The following TACC2 variants were observed in gnomAD, a reference collection of about 807,000 sequenced individuals.
TACC2 encodes the protein transforming acidic coiled-coil-containing protein 2.
Under a neutral mutation model 227.3 loss-of-function variants are expected in TACC2, and 137 were observed. The ratio of observed to expected loss-of-function variants is 0.60; its 90% confidence interval spans 0.52 to 0.69. The LOEUF (loss-of-function observed/expected upper bound fraction) is 0.69. TACC2 is among the 30% of genes least tolerant of loss of function. TACC2 has a pLI of 0.00. For synonymous variants in TACC2, 1,523 were observed against 1,487.5 expected (o/e 1.02, Z -0.55); for missense variants, 3,470 against 3,694.4 (o/e 0.94, Z 1.57).
At chr10:122,059,742 TGTGGA>T (rs940080539) in intron 3 of TACC2, among the ~76,000 whole-genome samples, 1 of 152,098 alleles carries the variant, frequency 6.6e-6, no homozygotes, top group African/African-American at 2.4e-5. Context: ...TTTTGGGTGG[TGTGGA>T]GGCTCTGAAA....
At chr10:122,223,051 CTCTTTTTT>C (rs2095552804) in intron 11 of TACC2, among the ~76,000 whole-genome samples, 2 of 133,812 alleles carry the variant, frequency 1.5e-5, no homozygotes, top group East Asian at 2.4e-4. Context: ...CTCTCTCTCT[CTCTTTTTT>C]TTTTTTTTTT....
intron 5 of TACC2, among the ~76,000 whole-genome samples, chr10:122,127,972 AT>A (rs1467584935): frequency 8.5e-5 from 13 of 152,168 alleles, no homozygotes; most frequent in African/African-American, 2.7e-4. Flanking sequence ...TTGACTCCTG[AT>A]TTATGCACGT....
chr10:122,043,165 A>G (rs1398164096), intron 2 of TACC2, among the ~76,000 whole-genome samples: 1 of 152,144 alleles, frequency 6.6e-6, no homozygotes, highest in Non-Finnish European at 1.5e-5. Context: ...TTTAAATCAT[A>G]TTGTTTCTAA....
chr10:122,061,285 C>A (rs1307435446), intron 3 of TACC2, among the ~76,000 whole-genome samples: 192 of 87,048 alleles, frequency 2.2e-3, no homozygotes, highest in Middle Eastern at 7.8e-3. Flanking sequence ...CACTCCGTCT[C>A]AAAAAAAAAA....
chr10:122,253,467 G>A (rs1443616832), intron 22 of TACC2, among the ~76,000 whole-genome samples: 3 of 152,094 alleles, frequency 2.0e-5, no homozygotes, highest in African/African-American at 7.2e-5. Flanking sequence ...AAGCCAGCTC[G>A]CATCTGCCCC....
Position 122,086,099 on chromosome 10 carries a change from T to C in TACC2, c.3599T>C (p.Leu1200Pro), listed in dbSNP as rs1447410451. The C allele has an allele frequency of 6.2e-7, 1 of 1,613,700 alleles. No homozygotes were observed. Among genetic ancestry groups the C allele is most frequent in the Non-Finnish European group, 8.5e-7 (1 of 1,180,012 alleles). Residue 1200 changes from leucine to proline, a missense_variant, in exon 4 of 23, where the codon CTG becomes CCG. Around this residue, in one of 10 missense-constraint regions of TACC2, gnomAD observed 1,924 missense variants for 1,978.3 expected, o/e 0.97. Transcript: ENST00000369005. ...GATGCCTTGCTGCCAGCCAGAGAGC[T>C]GGGTGGGATTCCCAGGAGCACCATG... ...CQDALLPARE[L>P]GGIPRSTMDF...
intron 5 of TACC2, among the ~76,000 whole-genome samples, chr10:122,119,448 C>T (rs904334126): frequency 6.6e-6 from 1 of 152,188 alleles, no homozygotes; most frequent in Non-Finnish European, 1.5e-5. Flanking sequence ...GTCAGCGCAC[C>T]TGTGGATTTG....
intron 7 of TACC2, among the ~76,000 whole-genome samples, chr10:122,167,383 G>T (rs1430774627): frequency 6.6e-6 from 1 of 152,228 alleles, no homozygotes; most frequent in Non-Finnish European, 1.5e-5. Context: ...AGTACAAAAT[G>T]GAAGTTTCAT....
At chr10:122,153,515 T>C (rs2092255724) in intron 7 of TACC2, among the ~76,000 whole-genome samples, 1 of 152,196 alleles carries the variant, frequency 6.6e-6, no homozygotes. Context: ...GCTGCCTGAT[T>C]GCAGACCTCG....
chr10:121,995,704 G>A (rs1361521984), intron 1 of TACC2, among the ~76,000 whole-genome samples: 1 of 152,296 alleles, frequency 6.6e-6, no homozygotes, highest in East Asian at 1.9e-4. Context: ...GGCCAAGAGG[G>A]AACAGGCATG....
intron 13 of TACC2, 115 bp from the exon 14 acceptor site, chr10:122,227,722 A>G: frequency 1.7e-6 from 2 of 1,197,980 alleles, no homozygotes; most frequent in South Asian, 1.5e-5. Context: ...CCTGGCTCAT[A>G]TCCCTCTGGA....
rs937913232 is a variant in TACC2, at chr10:122,050,844, C to T, written c.146+294C>T. The T allele has an allele frequency of 2.7e-6, 1 of 372,410 alleles. No homozygotes were observed. The highest frequency in any genetic ancestry group is 4.0e-5 in the South Asian group (1 of 25,254). 23.1% of individuals were successfully genotyped at this position (372,410 alleles called of 1,614,324 possible). A position where few individuals can be genotyped will look rare whatever the true frequency, so the allele number is the denominator to read the frequency against. On this transcript the variant is annotated intron_variant, in intron 3 of 22. Transcript: ENST00000369005. The surrounding 1 kb of genome is among the most constrained non-coding windows in gnomAD (Gnocchi z 4.6). ...CATTGTCAGAACTTAAAATGGAAAA[C>T]ATCAAGGGTTCCCAGGGGTTTATCA... is the stretch of plus-strand genomic sequence containing the variant.
At chr10:122,080,808 C>T (rs1033169651) in intron 3 of TACC2, among the ~76,000 whole-genome samples, 6 of 152,146 alleles carry the variant, frequency 3.9e-5, no homozygotes, top group South Asian at 2.1e-4. Flanking sequence ...ATTTTGGTAG[C>T]GGACATTGAG....
intron 2 of TACC2, among the ~76,000 whole-genome samples, chr10:122,036,217 G>T (rs920993278): frequency 1.3e-5 from 2 of 150,064 alleles, no homozygotes; most frequent in African/African-American, 2.5e-5. Context: ...TTTTGAGACG[G>T]AGTCTCGCTC....
chr10:121,992,953 T>TAAA (rs879342913), intron 1 of TACC2, among the ~76,000 whole-genome samples: 1 of 130,270 alleles, frequency 7.7e-6, no homozygotes, highest in Non-Finnish European at 1.7e-5. Context: ...AGACTGTCTC[T>TAAA]AAAAAAAAAA....
chr10:121,994,954 A>G (rs1325760321), intron 1 of TACC2, among the ~76,000 whole-genome samples: 1 of 152,152 alleles, frequency 6.6e-6, no homozygotes, highest in Non-Finnish European at 1.5e-5. Flanking sequence ...CGATCTCTTC[A>G]TTTGTGAAAT....
chr10:122,153,409 C>G (rs1044701176), intron 7 of TACC2, among the ~76,000 whole-genome samples: 1 of 152,184 alleles, frequency 6.6e-6, no homozygotes, highest in African/African-American at 2.4e-5. Flanking sequence ...TGGCCGAGGC[C>G]CCAAGCTCTG....
intron 5 of TACC2, among the ~76,000 whole-genome samples, chr10:122,108,388 T>C (rs1477403300): frequency 6.8e-6 from 1 of 146,492 alleles, no homozygotes; most frequent in African/African-American, 2.5e-5. Context: ...CGCTCTCTCT[T>C]TCTCTCTCTC....
intron 7 of TACC2, among the ~76,000 whole-genome samples, chr10:122,170,138 A>G (rs1358731201): frequency 6.6e-6 from 1 of 152,114 alleles, no homozygotes; most frequent in African/African-American, 2.4e-5. Context: ...TCTGATGACC[A>G]TCTTCCTCTT....
Sources: gnomAD v4.1 joint callset for allele counts (sites outside exome capture counted in the v4.1 genomes callset) on GRCh38, gnomAD v4.1.1 for gene constraint, gnomAD v4.1.1 regional missense constraint, Gnocchi (gnomAD v3.1) non-coding constraint, MANE v1.5 for transcripts, NCBI Gene and HGNC (gene_info 2026-07-23, HGNC 2026-07-21) for gene names.